The following RANBP10 variants were observed in gnomAD, a reference collection of about 807,000 sequenced individuals.
RANBP10 encodes the protein RAN binding protein 10, also known as ran-binding protein 10.
Under a neutral mutation model 72.8 loss-of-function variants are expected in RANBP10, and 24 were observed. The ratio of observed to expected loss-of-function variants is 0.33; its 90% CI spans 0.24 to 0.46. RANBP10 has a LOEUF of 0.46. Ranked by LOEUF, RANBP10 falls within the 20% of genes least tolerant of loss-of-function variation. The pLI is 1.00. For synonymous variants in RANBP10, 310 were observed against 322.3 expected (o/e 0.96, Z 0.41); for missense variants, 679 against 817.5 (o/e 0.83, Z 2.07).
intron 3 of RANBP10, among the ~76,000 whole-genome samples, chr16:67,748,660 C>G (rs1348987247): frequency 6.6e-6 from 1 of 152,038 alleles, no homozygotes; most frequent in African/African-American, 2.4e-5. Context: ...CACCTCTGCA[C>G]CAAGGTGTTA....
intron 3 of RANBP10, among the ~76,000 whole-genome samples, chr16:67,762,755 C>T (rs1243381620): frequency 6.6e-6 from 1 of 152,236 alleles, no homozygotes; most frequent in Non-Finnish European, 1.5e-5. Flanking sequence ...ATGCAATTTA[C>T]TGAAGCCCAA....
At position 67,793,620 on chromosome 16, in the gene RANBP10, A is replaced by G. The variant is rs1251537114; in HGVS notation, c.347+11808T>C. ...AGCCACCGTGCCCAGCCTCGCTTGT[A>G]ATATTTTATCTGCCATCTTATTTTC... On this transcript the variant is annotated intron_variant, in intron 2 of 13. Transcript: ENST00000317506. Among the ~76,000 whole-genome samples the G allele has an allele frequency of 5.9e-5, 9 of 151,876 alleles. No individual in the cohort carries two copies. The South Asian group carries it at 1.9e-3, about 32-fold the overall frequency.
intron 2 of RANBP10, among the ~76,000 whole-genome samples, chr16:67,804,861 A>T (rs2055314623): frequency 2.0e-5 from 3 of 152,262 alleles, no homozygotes; most frequent in Admixed American, 2.0e-4. Context: ...ACCTTCCTAA[A>T]GTTGATCCAA....
intron 2 of RANBP10, among the ~76,000 whole-genome samples, chr16:67,792,558 T>G (rs1048488453): frequency 7.4e-6 from 1 of 134,412 alleles, no homozygotes; most frequent in East Asian, 2.1e-4. Context: ...CGAGACTCCA[T>G]CTCAAAAAAA....
chr16:67,796,484 C>T (rs1469366347), intron 2 of RANBP10, among the ~76,000 whole-genome samples: 2 of 152,146 alleles, frequency 1.3e-5, no homozygotes, highest in Non-Finnish European at 2.9e-5. Flanking sequence ...CAACCACCTC[C>T]ACCCTGAGGG....
At chr16:67,765,790 C>A (rs994443084) in intron 3 of RANBP10, among the ~76,000 whole-genome samples, 1 of 151,900 alleles carries the variant, frequency 6.6e-6, no homozygotes, top group South Asian at 2.1e-4. Context: ...GAGCCGAGAT[C>A]GCGCCACTGC....
chr16:67,803,877 G>T (rs2055283696), intron 2 of RANBP10, among the ~76,000 whole-genome samples: 2 of 149,536 alleles, frequency 1.3e-5, no homozygotes, highest in African/African-American at 4.9e-5. Flanking sequence ...AGATACAGCA[G>T]CTTCCCATGA....
chr16:67,772,429 C>T (rs2054625707), intron 2 of RANBP10, among the ~76,000 whole-genome samples: 1 of 152,110 alleles, frequency 6.6e-6, no homozygotes, highest in Non-Finnish European at 1.5e-5. Context: ...TAAGATGTGC[C>T]TAAAGCATCT....
At chr16:67,791,907 G>A (rs2055034920) in intron 2 of RANBP10, among the ~76,000 whole-genome samples, 1 of 152,042 alleles carries the variant, frequency 6.6e-6, no homozygotes, top group South Asian at 2.1e-4. Flanking sequence ...AATGCCAGGT[G>A]TGCTGGCTCA....
rs1174894871 is a variant in RANBP10, at chr16:67,724,159, C to T, written c.*2269G>A. The T allele has an allele frequency of 6.6e-6, 1 of 152,578 alleles. No homozygotes were observed. Among genetic ancestry groups the T allele is most frequent in the Non-Finnish European group, 1.5e-5 (1 of 68,274 alleles). 9.5% of individuals were successfully genotyped at this position (152,578 alleles called of 1,614,324 possible). A position where few individuals can be genotyped will look rare whatever the true frequency, so the allele number is the denominator to read the frequency against. On this transcript the variant is annotated 3_prime_UTR_variant, in exon 14 of 14. Coordinates refer to ENST00000317506, the MANE Select transcript of RANBP10 (RefSeq NM_020850.3). The stretch of plus-strand genomic sequence containing the variant: ...CACAACCTAAGCTCAGGCACCCGTC[C>T]TCATCCCTGACACACCCCTGAAGGT...
At chr16:67,804,319 G>GA (rs978424522) in intron 2 of RANBP10, among the ~76,000 whole-genome samples, 1 of 151,536 alleles carries the variant, frequency 6.6e-6, no homozygotes, top group Non-Finnish European at 1.5e-5. Context: ...CTGGGAGAAA[G>GA]AAAAAAAATT....
chr16:67,748,271 G>A (rs1157647609), intron 3 of RANBP10, among the ~76,000 whole-genome samples: 1 of 151,822 alleles, frequency 6.6e-6, no homozygotes, highest in Non-Finnish European at 1.5e-5. Flanking sequence ...TATAATCCCA[G>A]CACTTTGGGA....
At chr16:67,792,219 G>A (rs1467323360) in intron 2 of RANBP10, among the ~76,000 whole-genome samples, 1 of 150,780 alleles carries the variant, frequency 6.6e-6, no homozygotes, top group African/African-American at 2.4e-5. Flanking sequence ...AAGAGGAAGG[G>A]CATTACAGAG....
intron 4 of RANBP10, among the ~76,000 whole-genome samples, chr16:67,743,343 C>A (rs1382930676): frequency 1.3e-5 from 2 of 152,158 alleles, no homozygotes; most frequent in Non-Finnish European, 2.9e-5. Context: ...CCATTCCATT[C>A]TGGAGAACTA....
At chr16:67,738,204 T>C (rs1031981520) in intron 4 of RANBP10, among the ~76,000 whole-genome samples, 169 bp from the exon 5 acceptor site, 1 of 152,106 alleles carries the variant, frequency 6.6e-6, no homozygotes, top group Admixed American at 6.5e-5. Context: ...AGTGGTACGA[T>C]CTTGGCTCAC....
At chr16:67,728,265 G>A in intron 11 of RANBP10, 125 bp downstream of exon 11, 1 of 1,039,434 alleles carries the variant, frequency 9.6e-7, no homozygotes, top group Non-Finnish European at 1.4e-6. Context: ...AGGAGGCTGT[G>A]GACCAGGTCT....
intron 4 of RANBP10, chr16:67,744,020 C>A (rs2054019833): frequency 1.1e-6 from 1 of 919,382 alleles, no homozygotes; most frequent in Non-Finnish European, 1.3e-6. Context: ...CTTGCTCCAA[C>A]AAGTGCCACC....
intron 4 of RANBP10, among the ~76,000 whole-genome samples, chr16:67,742,093 T>C (rs1159596082): frequency 6.6e-6 from 1 of 150,888 alleles, no homozygotes; most frequent in Non-Finnish European, 1.5e-5. Flanking sequence ...TTTTTTAATA[T>C]AGGGACGGGG....
intron 5 of RANBP10, among the ~76,000 whole-genome samples, chr16:67,736,161 A>G (rs1187810532): frequency 1.3e-5 from 2 of 149,038 alleles, no homozygotes; most frequent in South Asian, 2.1e-4. Context: ...CCTGAGTATC[A>G]TGCACTTTTT....
Sources: gnomAD v4.1 joint callset for allele counts (sites outside exome capture counted in the v4.1 genomes callset) on GRCh38, gnomAD v4.1.1 for gene constraint, MANE v1.5 for transcripts, NCBI Gene and HGNC (gene_info 2026-07-23, HGNC 2026-07-21) for gene names.